Variants in SLC25A26 observed in about 807,000 individuals in gnomAD.
SLC25A26 encodes the protein solute carrier family 25 member 26, also known as mitochondrial S-adenosylmethionine carrier protein.
A neutral mutation model predicts 37.8 loss-of-function variants in SLC25A26; 36 were observed. The observed-to-expected ratio is 0.95, with a 90% CI of 0.73 to 1.26. The LOEUF is 1.26. Among genes scored for constraint, SLC25A26 ranks in the 50% most tolerant of loss-of-function variants. The probability of loss-of-function intolerance (pLI) is 0.00; values close to 1 mark genes in which losing one functional copy is unlikely to be tolerated. For synonymous variants in SLC25A26, 129 were observed against 122.5 expected, an observed-to-expected ratio of 1.05 and a Z score of -0.35; for missense variants, 390 against 331.1, an observed-to-expected ratio of 1.18 and a Z score of -1.38.
intron 1 of SLC25A26, among the ~76,000 whole-genome samples, chr3:66,193,709 T>C (rs1198694161): frequency 2.0e-5 from 3 of 152,070 alleles, no homozygotes; most frequent in Non-Finnish European, 4.4e-5. Flanking sequence ...TTTTAGATGC[T>C]TTGCTATTAC....
intron 5 of SLC25A26, among the ~76,000 whole-genome samples, chr3:66,297,122 C>G (rs184837944): frequency 4.5e-4 from 69 of 152,110 alleles, no homozygotes; most frequent in Admixed American, 3.4e-3. Flanking sequence ...GTCAGAAGTT[C>G]AAAACCAGCC....
At chr3:66,255,674 A>G (rs1474153940) in intron 3 of SLC25A26, among the ~76,000 whole-genome samples, 1 of 152,224 alleles carries the variant, frequency 6.6e-6, no homozygotes, top group African/African-American at 2.4e-5. Context: ...AGAGACCCAC[A>G]GATGACATTC....
chr3:66,368,100 T>A (rs2076864863), intron 7 of SLC25A26, among the ~76,000 whole-genome samples: 1 of 152,174 alleles, frequency 6.6e-6, no homozygotes, highest in African/African-American at 2.4e-5. Context: ...ATAATCTTAT[T>A]TCAGCATCAT....
chr3:66,213,366 C>T (rs1048258601), intron 1 of SLC25A26, among the ~76,000 whole-genome samples: 1 of 131,156 alleles, frequency 7.6e-6, no homozygotes, highest in South Asian at 2.4e-4. Context: ...TGCCACTGCA[C>T]TCCACCCTGG....
intron 1 of SLC25A26, among the ~76,000 whole-genome samples, chr3:66,173,185 G>A (rs755114479): frequency 5.3e-5 from 8 of 152,208 alleles, no homozygotes; most frequent in Non-Finnish European, 2.9e-5. Flanking sequence ...TCTTAGAATT[G>A]TCTGTGGTTG....
At chr3:66,347,293 C>T (rs1025788224) in intron 6 of SLC25A26, among the ~76,000 whole-genome samples, 40 of 152,090 alleles carry the variant, frequency 2.6e-4, no homozygotes, top group African/African-American at 9.4e-4. Flanking sequence ...AACAAAGAAT[C>T]CCATTAAAAA....
intron 7 of SLC25A26, among the ~76,000 whole-genome samples, chr3:66,369,004 C>T (rs902157182): frequency 1.5e-5 from 2 of 133,260 alleles, no homozygotes; most frequent in Admixed American, 8.2e-5. Context: ...CTTGGTGAGA[C>T]ACAGTGAGAC....
At chr3:66,224,703 T>G (rs1337711813) in intron 1 of SLC25A26, among the ~76,000 whole-genome samples, 4 of 152,156 alleles carry the variant, frequency 2.6e-5, no homozygotes, top group African/African-American at 9.7e-5. Context: ...AATTCAAAAG[T>G]CCACAGTCCA....
At chr3:66,249,209 T>G (rs62246871) in intron 3 of SLC25A26, among the ~76,000 whole-genome samples, 8 of 81,482 alleles carry the variant, frequency 9.8e-5, no homozygotes, top group Non-Finnish European at 1.6e-4. Context: ...TTAACTGGAG[T>G]TAGAATGAGG....
At chr3:66,308,976 G>A (rs1470207343) in intron 5 of SLC25A26, among the ~76,000 whole-genome samples, 7 of 152,246 alleles carry the variant, frequency 4.6e-5, no homozygotes, top group South Asian at 2.1e-4. Flanking sequence ...TGTTTATCAG[G>A]GATCTTGGCC....
intron 5 of SLC25A26, among the ~76,000 whole-genome samples, chr3:66,312,434 C>T (rs990897288): frequency 6.6e-6 from 1 of 152,014 alleles, no homozygotes; most frequent in African/African-American, 2.4e-5. Context: ...GGGGGTGGAG[C>T]CTACTGGGCA....
At chr3:66,298,906 C>T (rs1312913699) in intron 5 of SLC25A26, among the ~76,000 whole-genome samples, 1 of 152,134 alleles carries the variant, frequency 6.6e-6, no homozygotes, top group Non-Finnish European at 1.5e-5. Flanking sequence ...TTTTCCCTCC[C>T]CCAGATCCCA....
intron 5 of SLC25A26, among the ~76,000 whole-genome samples, chr3:66,340,370 T>C (rs1463147851): frequency 3.9e-5 from 6 of 152,130 alleles, no homozygotes; most frequent in African/African-American, 1.4e-4. Context: ...TCCACTGGGA[T>C]TTTTCTTAAC....
In SLC25A26 at chr3:66,265,695, A is replaced by G. The variant is rs76199490; in HGVS notation, c.453+2316A>G. Among the ~76,000 whole-genome samples, 53 of 152,364 alleles carry G rather than the reference A, an allele frequency of 3.5e-4. 1 individual carries two copies. The East Asian group carries it at 7.5e-3, about 22-fold the overall frequency. ...CTTGTGACTTAAAGCTTTGGTTTTC[A>G]TAGCAACCTAGTTGGTGTAGATCTT... On this transcript the variant is annotated intron_variant, in intron 5 of 9. Coordinates refer to ENST00000354883, the MANE Select transcript of SLC25A26 (RefSeq NM_001379210.1).
At chr3:66,242,182 C>G (rs2072616486) in intron 2 of SLC25A26, among the ~76,000 whole-genome samples, 1 of 152,176 alleles carries the variant, frequency 6.6e-6, no homozygotes, top group South Asian at 2.1e-4. Context: ...CACTGTCTCT[C>G]TCCCTTTTCT....
chr3:66,362,809 GA>G, intron 6 of SLC25A26, 50 bp from the exon 7 acceptor site: 2 of 1,370,384 alleles, frequency 1.5e-6, no homozygotes, highest in East Asian at 5.1e-5. Flanking sequence ...AGGAGGTTCC[GA>G]TAAATTCAAA....
Position 66,224,679 on chromosome 3 carries a change from C to A in SLC25A26, c.33+3552C>A, listed in dbSNP as rs150346757. On this transcript the variant is annotated intron_variant, in intron 1 of 9. Transcript: ENST00000354883. ...TTCTCAACAGTCCCCAAAGTCTTAA[C>A]TCATTTTAGCATTAATTCAAAAGTC... 3.7e-3 allele frequency among the ~76,000 whole-genome samples: 559 copies of A among 152,298 alleles called. 3 individuals are homozygous for A. The highest frequency in any genetic ancestry group is 0.017 in the East Asian group (87 of 5,182).
chr3:66,277,998 G>A (rs1243371090), intron 5 of SLC25A26, among the ~76,000 whole-genome samples: 2 of 152,110 alleles, frequency 1.3e-5, no homozygotes, highest in African/African-American at 4.8e-5. Flanking sequence ...AGTAAATGCA[G>A]TGTAGGATCC....
intron 7 of SLC25A26, among the ~76,000 whole-genome samples, chr3:66,363,593 C>T (rs1426752247): frequency 6.6e-6 from 1 of 152,072 alleles, no homozygotes; most frequent in African/African-American, 2.4e-5. Context: ...TGTTTAAAAG[C>T]CTAAGAGAGA....
Sources: gnomAD v4.1 joint callset for allele counts (sites outside exome capture counted in the v4.1 genomes callset) on GRCh38, gnomAD v4.1.1 for gene constraint, MANE v1.5 for transcripts, NCBI Gene and HGNC (gene_info 2026-07-23, HGNC 2026-07-21) for gene names.